Variants in RAB11A observed in about 807,000 individuals in gnomAD.
RAB11A encodes the protein RAB11A, member RAS oncogene family.
In RAB11A, 9 loss-of-function variants were observed where a neutral mutation model predicts 28.0. The observed-to-expected ratio is 0.32, with a 90% CI of 0.19 to 0.56. RAB11A has a LOEUF of 0.56. Ranked by LOEUF, RAB11A falls within the 20% of genes least tolerant of loss-of-function variation. The pLI is 0.91. For synonymous variants in RAB11A, 85 were observed against 88.2 expected, an observed-to-expected ratio of 0.96 and a Z score of 0.20; for missense variants, 108 against 269.6, an observed-to-expected ratio of 0.40 and a Z score of 4.20.
In RAB11A at chr15:65,891,098, G is replaced by C. The variant is rs117568432; in HGVS notation, c.*3258G>C. 6.6e-6 allele frequency: 1 copy of C among 152,180 alleles called. No homozygotes were observed. Among genetic ancestry groups the C allele is most frequent in the Admixed American group, 6.5e-5 (1 of 15,272 alleles). 9.4% of individuals were successfully genotyped at this position (152,180 alleles called of 1,614,324 possible). A position where few individuals can be genotyped will look rare whatever the true frequency, so the allele number is the denominator to read the frequency against. Reference sequence around the variant, plus strand: ...AAAGAGAGATTTTTCTTCTGGTTGGGTGGTGCTGGTGCCACGCCCCTTTCT... The same window carrying C: ...AAAGAGAGATTTTTCTTCTGGTTGGCTGGTGCTGGTGCCACGCCCCTTTCT... On this transcript the variant is annotated 3_prime_UTR_variant, in exon 5 of 5. Coordinates refer to ENST00000261890, the MANE Select transcript of RAB11A (RefSeq NM_004663.5).
rs144884893 is a variant in RAB11A at position 65,891,410 on chromosome 15, A to T, written c.*3570A>T. On this transcript the variant is annotated 3_prime_UTR_variant, in exon 5 of 5. Transcript: ENST00000261890. ...TAGGCAATATACTAGCATGTATTAG[A>T]AAATACGGTAAACTGTGGGTTAGAA... 125 of 152,364 alleles carry T rather than the reference A, an allele frequency of 8.2e-4. No homozygotes were observed. Among genetic ancestry groups the T allele is most frequent in the African/African-American group, 2.9e-3 (119 of 41,590 alleles). The allele number at this position is 152,364 out of a possible 1,614,324, so 9.4% of individuals were successfully genotyped here. A position where few individuals can be genotyped will look rare whatever the true frequency, so the allele number is the denominator to read the frequency against.
rs1306403204 is a variant in RAB11A at position 65,879,741 on chromosome 15, A to C, written c.501A>C (p.Thr167=). 1 of 1,571,900 alleles carries C rather than the reference A, an allele frequency of 6.4e-7. No homozygotes were observed. The highest frequency in any genetic ancestry group is 8.8e-7 in the Non-Finnish European group (1 of 1,142,652). The part of the protein sequence containing the change: ...DSTNVEAAFQ[T]ILTEIYRIVS... ...CAAATGTAGAAGCTGCTTTTCAGAC[A>C]ATTTTAACAGGTAAGACTTGTATTT... is the stretch of plus-strand genomic sequence containing the variant. Residue 167 remains threonine (T), a synonymous_variant, in exon 4 of 5, where the codon ACA becomes ACC. Transcript: ENST00000261890.
At chr15:65,886,088 C>T (rs2078254167) in intron 4 of RAB11A, among the ~76,000 whole-genome samples, 1 of 152,320 alleles carries the variant, frequency 6.6e-6, no homozygotes, top group South Asian at 2.1e-4. Flanking sequence ...GAAGGAACTT[C>T]AGCTTCATCC....
At position 65,887,698 on chromosome 15, in the gene RAB11A, C is replaced by T; in HGVS notation, c.512-3C>T. The T allele has an allele frequency of 1.2e-6, 2 of 1,605,130 alleles. No individual in the cohort carries two copies. The highest frequency in any genetic ancestry group is 1.7e-6 in the Non-Finnish European group (2 of 1,176,460). On this transcript the variant is annotated splice_region_variant and splice_polypyrimidine_tract_variant and intron_variant, in intron 4 of 4. Transcript: ENST00000261890. ...AAGTATTGTGGTTTCTTTTTTCCTT[C>T]AGAGATTTACCGCATTGTTTCTCAG...
Position 65,891,298 on chromosome 15 carries a change from C to T in RAB11A, c.*3458C>T, listed in dbSNP as rs975251754. On this transcript the variant is annotated 3_prime_UTR_variant, in exon 5 of 5. Transcript: ENST00000261890. The stretch of plus-strand genomic sequence containing the variant: ...AATTTATGTAAGGGAGACCATTAGG[C>T]TGAGAATCAATATGATTGAGGTTAT... 3 of 152,154 alleles carry T rather than the reference C, an allele frequency of 2.0e-5. No homozygotes were observed. The highest frequency in any genetic ancestry group is 2.0e-4 in the Admixed American group (3 of 15,278). 9.4% of individuals were successfully genotyped at this position (152,154 alleles called of 1,614,324 possible). A position where few individuals can be genotyped will look rare whatever the true frequency, so the allele number is the denominator to read the frequency against.
intron 4 of RAB11A, among the ~76,000 whole-genome samples, chr15:65,880,610 C>A (rs1231006993): frequency 1.3e-5 from 2 of 152,082 alleles, no homozygotes; most frequent in East Asian, 3.9e-4. Context: ...TTGTATGCAG[C>A]CCCTGTATTA....
rs115642222 is a variant in RAB11A at position 65,883,677 on chromosome 15, C to T, written c.511+3926C>T. On this transcript the variant is annotated intron_variant, in intron 4 of 4. Coordinates refer to ENST00000261890, the MANE Select transcript of RAB11A (RefSeq NM_004663.5). Reference sequence around the variant, plus strand: ...TCAAGCAATTCTCGTGTCTCAGCCTCCCGGGTAGCTGGGATCATAGGCCTG... The same window carrying T: ...TCAAGCAATTCTCGTGTCTCAGCCTTCCGGGTAGCTGGGATCATAGGCCTG... Among the ~76,000 whole-genome samples, 306 of 152,148 alleles carry T rather than the reference C, an allele frequency of 2.0e-3. 2 individuals are homozygous for T. The highest frequency in any genetic ancestry group is 6.8e-3 in the African/African-American group (282 of 41,494).
intron 1 of RAB11A, among the ~76,000 whole-genome samples, chr15:65,874,599 CT>C (rs112271535): frequency 2.3e-4 from 35 of 151,174 alleles, no homozygotes; most frequent in African/African-American, 6.8e-4. Flanking sequence ...GATTAGAGTG[CT>C]TTTTTTTTGT....
chr15:65,870,183 C>G (rs1174781726), intron 1 of RAB11A: 1 of 152,620 alleles, frequency 6.6e-6, no homozygotes, highest in East Asian at 1.9e-4. Flanking sequence ...TCTCCCATCC[C>G]GGGTCCAGGA....
At chr15:65,874,967 G>C (rs566540974) in intron 1 of RAB11A, among the ~76,000 whole-genome samples, 71 of 152,268 alleles carry the variant, frequency 4.7e-4, no homozygotes, top group African/African-American at 1.5e-3. Flanking sequence ...AGGATCCTCT[G>C]AGCCTGGGAG....
At chr15:65,870,708 C>G (rs186103957) in intron 1 of RAB11A, among the ~76,000 whole-genome samples, 37 of 152,204 alleles carry the variant, frequency 2.4e-4, no homozygotes, top group Non-Finnish European at 4.4e-4. Context: ...CATACCTTTC[C>G]CAAAAGGTTG....
At chr15:65,876,166 T>C (rs941472517) in intron 1 of RAB11A, among the ~76,000 whole-genome samples, 10 of 152,226 alleles carry the variant, frequency 6.6e-5, no homozygotes, top group Non-Finnish European at 1.0e-4. Context: ...AGAATCTCCA[T>C]GTATCTAGTT....
intron 4 of RAB11A, among the ~76,000 whole-genome samples, chr15:65,880,615 G>GAA (rs1224958327): frequency 1.3e-5 from 2 of 152,118 alleles, no homozygotes; most frequent in East Asian, 3.8e-4. Context: ...TGCAGCCCCT[G>GAA]TATTAGAGAT....
In RAB11A at chr15:65,877,914, A is replaced by G. The variant is rs2078198962; in HGVS notation, c.389A>G (p.His130Arg). 6.2e-7 allele frequency: 1 copy of G among 1,613,862 alleles called. No individual in the cohort carries two copies. The highest frequency in any genetic ancestry group is 8.5e-7 in the Non-Finnish European group (1 of 1,179,898). Residue 130 changes from histidine to arginine, a missense_variant, in exon 3 of 5, where the codon CAT becomes CGT. Around this residue, in one of 2 missense-constraint regions of RAB11A, gnomAD observed 85 missense variants for 145.9 expected, o/e 0.58. Transcript: ENST00000261890. This position sits in a 1 kb window ranked among gnomAD's most constrained non-coding sequence, Gnocchi z 4.1. ...GTGGGCAATAAGAGTGATCTACGTC[A>G]TCTCAGGGCAGTTCCTACAGATGAA... ...MLVGNKSDLR[H>R]LRAVPTDEAR...
At chr15:65,874,592 T>C (rs1351354271) in intron 1 of RAB11A, among the ~76,000 whole-genome samples, 1 of 152,156 alleles carries the variant, frequency 6.6e-6, no homozygotes, top group Non-Finnish European at 1.5e-5. Flanking sequence ...ATTTTCAGAT[T>C]AGAGTGCTTT....
chr15:65,881,877 TAAAA>T (rs57352123), intron 4 of RAB11A, among the ~76,000 whole-genome samples: 1,237 of 86,388 alleles, frequency 0.014, 18 homozygotes, highest in African/African-American at 0.048. Flanking sequence ...ACCCTGTCTC[TAAAA>T]AAAAAAAAAA....
intron 4 of RAB11A, among the ~76,000 whole-genome samples, chr15:65,882,612 A>C (rs954135445): frequency 6.6e-6 from 1 of 152,094 alleles, no homozygotes; most frequent in African/African-American, 2.4e-5. Context: ...TATATCAGAA[A>C]ATTTACATTG....
intron 4 of RAB11A, among the ~76,000 whole-genome samples, chr15:65,883,643 C>CAGG (rs2078236316): frequency 6.6e-6 from 1 of 151,888 alleles, no homozygotes; most frequent in Non-Finnish European, 1.5e-5. Flanking sequence ...AAGACTCTGC[C>CAGG]TCCTAGGTTC....
chr15:65,878,520 A>G (rs570496209), intron 3 of RAB11A, among the ~76,000 whole-genome samples: 7 of 152,236 alleles, frequency 4.6e-5, no homozygotes, highest in African/African-American at 1.7e-4. Context: ...CGTCTCTACT[A>G]AAAATACAAA....
Sources: gnomAD v4.1 joint callset for allele counts (sites outside exome capture counted in the v4.1 genomes callset) on GRCh38, gnomAD v4.1.1 for gene constraint, gnomAD v4.1.1 regional missense constraint, Gnocchi (gnomAD v3.1) non-coding constraint, MANE v1.5 for transcripts, NCBI Gene and HGNC (gene_info 2026-07-23, HGNC 2026-07-21) for gene names.